SEMG1: variants seen among roughly 807,000 people sequenced by gnomAD.
SEMG1 encodes the protein semenogelin-1.
SEMG1 carries 6 observed loss-of-function variants against 8.8 expected under a neutral mutation model. The ratio of observed to expected loss-of-function variants is 0.68; its 90% CI spans 0.37 to 1.35. The LOEUF (loss-of-function observed/expected upper bound fraction) is 1.35, where lower values mean the gene tolerates loss of function less well. Among genes scored for constraint, SEMG1 ranks in the 40% most tolerant of loss-of-function variants. The pLI is 0.02. For synonymous variants in SEMG1, 221 were observed against 190.3 expected (o/e 1.16, Z -1.33); for missense variants, 580 against 533.6 (o/e 1.09, Z -0.86).
rs1334156863 is a variant in SEMG1, at chr20:45,207,850, A to G, written c.553A>G (p.Arg185Gly). 8 of 1,613,990 alleles carry G rather than the reference A, an allele frequency of 5.0e-6. No individual in the cohort carries two copies. The highest frequency in any genetic ancestry group is 6.8e-6 in the Non-Finnish European group (8 of 1,179,856). The change falls in exon 2 of 3, where the codon AGA (arginine) becomes GGA (glycine). Residue 185 changes from arginine (R) to glycine (G), a missense_variant. By Grantham distance (125) the Arg-to-Gly change is moderately radical. Coordinates refer to ENST00000372781, the MANE Select transcript of SEMG1 (RefSeq NM_003007.5). ...QTSVSGAQKG[R>G]KQGGSQSSYV... Reference sequence around the variant, plus strand: ...TTCCGTCTCTGGTGCACAAAAAGGTAGAAAACAAGGCGGATCCCAAAGCAG... The same window carrying G: ...TTCCGTCTCTGGTGCACAAAAAGGTGGAAAACAAGGCGGATCCCAAAGCAG...
At position 45,207,529 on chromosome 20, in the gene SEMG1, C is replaced by T. The variant is rs1316231549; in HGVS notation, c.232C>T (p.Gln78Ter). The change falls in exon 2 of 3, where the codon CAG (glutamine) becomes TAG (stop). Residue 78 changes from glutamine to a stop codon, truncating the protein, a stop_gained. Transcript: ENST00000372781. LOFTEE classifies it low-confidence loss of function (END_TRUNC). ...TCATGTAGATGCCAATGATCATGAC[C>T]AGTCCCGAAAAAGTCAGCAATATGA... The part of the protein sequence containing the change: ...TYHVDANDHD[Q>*]SRKSQQYDLN... 8 of 1,613,692 alleles carry T rather than the reference C, an allele frequency of 5.0e-6. No individual in the cohort carries two copies. The highest frequency in any genetic ancestry group is 1.6e-4 in the Middle Eastern group (1 of 6,080).
Position 45,208,515 on chromosome 20 carries a change from G to A in SEMG1, c.1218G>A (p.Glu406=). The part of the protein sequence containing the change: ...EPWHGENAKG[E]SGQSTNREQD... Reference sequence around the variant, plus strand: ...GGCATGGTGAAAATGCAAAAGGAGAGTCTGGCCAATCTACAAATAGAGAAC... The same window carrying A: ...GGCATGGTGAAAATGCAAAAGGAGAATCTGGCCAATCTACAAATAGAGAAC... Residue 406 remains glutamate, a synonymous_variant, in exon 2 of 3, where the codon GAG becomes GAA. Transcript: ENST00000372781. The A allele has an allele frequency of 6.2e-7, 1 of 1,614,012 alleles. No homozygotes were observed. Among genetic ancestry groups the A allele is most frequent in the South Asian group, 1.1e-5 (1 of 91,068 alleles).
rs147667060 is a variant in SEMG1, at chr20:45,208,561, C to G, written c.1264C>G (p.Gln422Glu). 6.2e-7 allele frequency: 1 copy of G among 1,613,982 alleles called. No homozygotes were observed. The highest frequency in any genetic ancestry group is 8.5e-7 in the Non-Finnish European group (1 of 1,179,912). The change falls in exon 2 of 3, where the codon CAA (glutamine) becomes GAA (glutamate). Residue 422 changes from glutamine to glutamate, a missense_variant. Coordinates refer to ENST00000372781, the MANE Select transcript of SEMG1 (RefSeq NM_003007.5). Reference sequence around the variant, plus strand: ...AGAACAAGACCTACTCAGTCATGAACAAAAAGGCAGACACCAACATGGATC... The same window carrying G: ...AGAACAAGACCTACTCAGTCATGAAGAAAAAGGCAGACACCAACATGGATC... ...NREQDLLSHE[Q>E]KGRHQHGSHG...
chr20:45,207,576 G>C lies in SEMG1; in HGVS notation c.279G>C (p.Thr93=). 1 of 1,613,466 alleles carries C rather than the reference G, an allele frequency of 6.2e-7. No homozygotes were observed. Among genetic ancestry groups the C allele is most frequent in the Non-Finnish European group, 8.5e-7 (1 of 1,179,762 alleles). The change falls in exon 2 of 3, where the codon ACG becomes ACC. Residue 93 remains threonine (T), a synonymous_variant. Coordinates refer to ENST00000372781, the MANE Select transcript of SEMG1 (RefSeq NM_003007.5). ...ATGATTTGAATGCCCTACATAAGAC[G>C]ACAAAATCACAACGACATCTAGGTG... ...QQYDLNALHK[T]TKSQRHLGGS...
rs1242772382 is a variant in SEMG1, at chr20:45,209,654, G to A, written c.*98G>A. Reference sequence around the variant, plus strand: ...ATGTTTCTGAGATGCAGACTCCCGTGTAGTTTCAGATTCTTGGTCCATGGA... The same window carrying A: ...ATGTTTCTGAGATGCAGACTCCCGTATAGTTTCAGATTCTTGGTCCATGGA... On this transcript the variant is annotated 3_prime_UTR_variant, in exon 3 of 3. Coordinates refer to ENST00000372781, the MANE Select transcript of SEMG1 (RefSeq NM_003007.5). 2 of 152,230 alleles carry A rather than the reference G, an allele frequency of 1.3e-5. No homozygotes were observed. Among genetic ancestry groups the A allele is most frequent in the South Asian group, 2.1e-4 (1 of 4,830 alleles). The allele number at this position is 152,230 out of a possible 1,614,324, so 9.4% of individuals were successfully genotyped here. A position where few individuals can be genotyped will look rare whatever the true frequency, so the allele number is the denominator to read the frequency against.
chr20:45,208,688 C>T lies in SEMG1; in HGVS notation c.*2C>T. ...GACCGAAACCCATTATTTACATAAA[C>T]CTACCATTCGGTAACCATGTGAAAG... On this transcript the variant is annotated 3_prime_UTR_variant, in exon 2 of 3. Transcript: ENST00000372781. 6.3e-7 allele frequency: 1 copy of T among 1,589,488 alleles called. No homozygotes were observed. The highest frequency in any genetic ancestry group is 8.6e-7 in the Non-Finnish European group (1 of 1,166,320).
Position 45,207,954 on chromosome 20 carries a change from T to C in SEMG1, c.657T>C (p.His219=). Residue 219 remains histidine (H), a synonymous_variant, in exon 2 of 3, where the codon CAT becomes CAC. Coordinates refer to ENST00000372781, the MANE Select transcript of SEMG1 (RefSeq NM_003007.5). ...ETKNSHQNKG[H]YQNVVEVREE... ...AAAATTCTCATCAAAATAAAGGGCA[T>C]TACCAAAATGTGGTTGAAGTGAGAG... The C allele has an allele frequency of 6.2e-7, 1 of 1,613,980 alleles. No individual in the cohort carries two copies. The highest frequency in any genetic ancestry group is 8.5e-7 in the Non-Finnish European group (1 of 1,179,960).
intron 2 of SEMG1, among the ~76,000 whole-genome samples, chr20:45,209,297 A>C (rs1304897227): frequency 6.6e-6 from 1 of 152,160 alleles, no homozygotes; most frequent in African/African-American, 2.4e-5. Flanking sequence ...AGAAGATGGA[A>C]AGGGAGACAC....
chr20:45,208,411 C>T lies in SEMG1; in HGVS notation c.1114C>T (p.Arg372Cys), dbSNP rs199672858. ...TGGTGTGCAGAAAGATGTATCCCAA[C>T]GCAGTATTTATAGCCAAACTGAAAA... The part of the protein sequence containing the change: ...ENGVQKDVSQ[R>C]SIYSQTEKLV... Residue 372 changes from arginine (R) to cysteine (C), a missense_variant, in exon 2 of 3, where the codon CGC becomes TGC. Coordinates refer to ENST00000372781, the MANE Select transcript of SEMG1 (RefSeq NM_003007.5). 4.8e-5 allele frequency: 78 copies of T among 1,613,714 alleles called. No homozygotes were observed. Among genetic ancestry groups the T allele is most frequent in the African/African-American group, 6.7e-5 (5 of 74,938 alleles).
chr20:45,208,662 C>T lies in SEMG1; in HGVS notation c.1365C>T (p.Asn455=), dbSNP rs2233889. The change falls in exon 2 of 3, where the codon AAC becomes AAT. Residue 455 remains asparagine (N), a synonymous_variant. Transcript: ENST00000372781. ...SDRHLAQHLN[N]DRNPLFT is the part of the protein sequence containing the mutation. Reference sequence around the variant, plus strand: ...GTCATTTGGCACAACATCTTAACAACGACCGAAACCCATTATTTACATAAA... The same window carrying T: ...GTCATTTGGCACAACATCTTAACAATGACCGAAACCCATTATTTACATAAA... 0.039 allele frequency: 62,716 copies of T among 1,608,306 alleles called. 2,545 individuals are homozygous for T. Among genetic ancestry groups the T allele is most frequent in the Admixed American group, 0.2 (11,977 of 59,088 alleles).
Position 45,208,588 on chromosome 20 carries a change from C to T in SEMG1, c.1291C>T (p.His431Tyr), listed in dbSNP as rs763913684. Residue 431 changes from histidine (H) to tyrosine (Y), a missense_variant, in exon 2 of 3, where the codon CAT becomes TAT. Coordinates refer to ENST00000372781, the MANE Select transcript of SEMG1 (RefSeq NM_003007.5). ...EQKGRHQHGSHGGLDIVIIEQ... is the reference protein window; with the variant it reads ...EQKGRHQHGSYGGLDIVIIEQ... ...AAAAGGCAGACACCAACATGGATCT[C>T]ATGGGGGATTGGATATTGTAATTAT... is the stretch of plus-strand genomic sequence containing the variant. The T allele has an allele frequency of 1.2e-6, 2 of 1,613,942 alleles. No individual in the cohort carries two copies. Among genetic ancestry groups the T allele is most frequent in the Non-Finnish European group, 1.7e-6 (2 of 1,179,876 alleles).
Position 45,208,437 on chromosome 20 carries a change from G to C in SEMG1, c.1140G>C (p.Lys380Asn). 1 of 1,613,990 alleles carries C rather than the reference G, an allele frequency of 6.2e-7. No homozygotes were observed. The highest frequency in any genetic ancestry group is 8.5e-7 in the Non-Finnish European group (1 of 1,179,956). ...GCAGTATTTATAGCCAAACTGAAAAGCTAGTAGCAGGCAAGTCTCAAATCC... is the reference window on the plus strand; with the variant it reads ...GCAGTATTTATAGCCAAACTGAAAACCTAGTAGCAGGCAAGTCTCAAATCC... Reference protein sequence around the residue: ...SQRSIYSQTEKLVAGKSQIQA... With the variant: ...SQRSIYSQTENLVAGKSQIQA... Residue 380 changes from lysine to asparagine, a missense_variant, in exon 2 of 3, where the codon AAG becomes AAC. Physicochemically the swap from Lys to Asn is moderately conservative, Grantham distance 94. Coordinates refer to ENST00000372781, the MANE Select transcript of SEMG1 (RefSeq NM_003007.5).
At position 45,208,068 on chromosome 20, in the gene SEMG1, A is replaced by C; in HGVS notation, c.771A>C (p.Gln257His). Residue 257 changes from glutamine (Q) to histidine (H), a missense_variant, in exon 2 of 3, where the codon CAA (glutamine) becomes CAC (histidine). Coordinates refer to ENST00000372781, the MANE Select transcript of SEMG1 (RefSeq NM_003007.5). ...GATCCAAAGACATTTTTTCTACCCA[A>C]GATGAGCTCCTAGTATATAACAAGA... The part of the protein sequence containing the change: ...QHGSKDIFST[Q>H]DELLVYNKNQ... 11 of 1,614,128 alleles carry C rather than the reference A, an allele frequency of 6.8e-6. No individual in the cohort carries two copies. The highest frequency in any genetic ancestry group is 9.3e-6 in the Non-Finnish European group (11 of 1,179,974).
chr20:45,207,195 G>A, intron 1 of SEMG1, 66 bp downstream of exon 1: 1 of 1,602,728 alleles, frequency 6.2e-7, no homozygotes, highest in Non-Finnish European at 8.5e-7. Flanking sequence ...ATTATTTGGG[G>A]TGCAAACAGT....
At position 45,207,356 on chromosome 20, in the gene SEMG1, C is replaced by T; in HGVS notation, c.77-18C>T. 1 of 1,580,924 alleles carries T rather than the reference C, an allele frequency of 6.3e-7. No homozygotes were observed. Among genetic ancestry groups the T allele is most frequent in the Non-Finnish European group, 8.6e-7 (1 of 1,158,278 alleles). Reference sequence around the variant, plus strand: ...TTTGGAGATAATGAATGCATACCTTCTTATTATCAATTACCAGGTGGATCA... The same window carrying T: ...TTTGGAGATAATGAATGCATACCTTTTTATTATCAATTACCAGGTGGATCA... On this transcript the variant is annotated intron_variant, in intron 1 of 2. Coordinates refer to ENST00000372781, the MANE Select transcript of SEMG1 (RefSeq NM_003007.5).
At chr20:45,208,792 C>G in intron 2 of SEMG1, 62 bp downstream of exon 2, 1 of 791,464 alleles carries the variant, frequency 1.3e-6, no homozygotes, top group African/African-American at 1.7e-5. Context: ...GTTGGGGACT[C>G]TCCAGGACTT....
Position 45,208,228 on chromosome 20 carries a change from CAAAGCAGTATTTATAGCCA to C in SEMG1, c.934_952del (p.Ser312LeufsTer13). The C allele has an allele frequency of 1.2e-6, 2 of 1,612,416 alleles. No homozygotes were observed. The highest frequency in any genetic ancestry group is 1.3e-5 in the African/African-American group (1 of 74,824). Reference sequence around the variant, plus strand: ...AAATGGTGTGCAGAAAGATGTATCCCAAAGCAGTATTTATAGCCAAACTGAAGAGAAAGCACAGGGCAAG... The same window carrying C: ...AAATGGTGTGCAGAAAGATGTATCCCAACTGAAGAGAAAGCACAGGGCAAG... On this transcript the variant is annotated frameshift_variant, in exon 2 of 3. Coordinates refer to ENST00000372781, the MANE Select transcript of SEMG1 (RefSeq NM_003007.5). LOFTEE classifies it low-confidence loss of function (END_TRUNC).
chr20:45,208,371 C>T lies in SEMG1; in HGVS notation c.1074C>T (p.Leu358=). ...YQSSSTEERR[L]HYGENGVQKD... Reference sequence around the variant, plus strand: ...CTTCAAGTACGGAAGAAAGACGACTCCACTATGGAGAAAATGGTGTGCAGA... The same window carrying T: ...CTTCAAGTACGGAAGAAAGACGACTTCACTATGGAGAAAATGGTGTGCAGA... The change falls in exon 2 of 3, where the codon CTC becomes CTT. Residue 358 remains leucine, a synonymous_variant. Transcript: ENST00000372781. 1.9e-6 allele frequency: 3 copies of T among 1,613,224 alleles called. No homozygotes were observed. The South Asian group carries it at 3.3e-5, about 18-fold the overall frequency.
At chr20:45,207,321 G>A (rs1983713397) in intron 1 of SEMG1, 53 bp from the exon 2 acceptor site, 1 of 1,490,616 alleles carries the variant, frequency 6.7e-7, no homozygotes, top group Admixed American at 1.9e-5. Flanking sequence ...GGTAAGAGTT[G>A]TAAGGGAGCT....
Sources: allele counts gnomAD v4.1 joint callset (sites outside exome capture counted in the v4.1 genomes callset), GRCh38; gene constraint gnomAD v4.1.1; transcripts MANE v1.5; gene names NCBI Gene and HGNC (gene_info 2026-07-23, HGNC 2026-07-21).